Variants in PPFIA2 observed in about 807,000 individuals in gnomAD.
PPFIA2 encodes the protein liprin-alpha-2.
PPFIA2 carries 46 observed loss-of-function variants against 175.5 expected under a neutral mutation model. The ratio of observed to expected loss-of-function variants is 0.26; its 90% CI spans 0.21 to 0.34. The LOEUF is 0.34. Ranked by LOEUF, PPFIA2 falls within the 10% of genes least tolerant of loss-of-function variation. The pLI is 1.00. For missense variants in PPFIA2, 1,179 were observed against 1,506.1 expected, an observed-to-expected ratio of 0.78 and a Z score of 3.60; for synonymous variants, 568 against 511.4, an observed-to-expected ratio of 1.11 and a Z score of -1.49.
chr12:81,596,800 G>T (rs892142863), intron 4 of PPFIA2, among the ~76,000 whole-genome samples: 4 of 152,036 alleles, frequency 2.6e-5, no homozygotes, highest in Non-Finnish European at 2.9e-5. Flanking sequence ...ACAATAAGCA[G>T]ATCACCAGTA....
chr12:81,380,509 A>G (rs1450713392), intron 9 of PPFIA2, among the ~76,000 whole-genome samples: 1 of 151,436 alleles, frequency 6.6e-6, no homozygotes, highest in Non-Finnish European at 1.5e-5. Flanking sequence ...TTTTTTAAGT[A>G]CGTGATTTTC....
intron 3 of PPFIA2, among the ~76,000 whole-genome samples, chr12:81,738,241 G>A (rs775211976): frequency 3.3e-5 from 5 of 151,894 alleles, no homozygotes; most frequent in East Asian, 1.9e-4. Context: ...AACCACTAAC[G>A]TAAAATTCTA....
At chr12:81,469,884 G>A (rs2056427021) in intron 4 of PPFIA2, among the ~76,000 whole-genome samples, 1 of 152,138 alleles carries the variant, frequency 6.6e-6, no homozygotes. Flanking sequence ...TTTTAGAAGA[G>A]GAAGGGACAC....
At chr12:81,486,324 A>G (rs1173461678) in intron 4 of PPFIA2, among the ~76,000 whole-genome samples, 2 of 151,862 alleles carry the variant, frequency 1.3e-5, no homozygotes, top group Non-Finnish European at 2.9e-5. Context: ...GCTGGTAACA[A>G]AAGTTCAGTT....
chr12:81,697,005 T>C (rs188677213), intron 3 of PPFIA2, among the ~76,000 whole-genome samples: 1 of 152,130 alleles, frequency 6.6e-6, no homozygotes, highest in East Asian at 1.9e-4. Context: ...TAAACTCAGG[T>C]TTGTTATGAG....
At chr12:81,439,803 A>C (rs1354294948) in intron 7 of PPFIA2, 169 bp downstream of exon 7, 4 of 621,274 alleles carry the variant, frequency 6.4e-6, no homozygotes, top group Non-Finnish European at 1.1e-5. Flanking sequence ...TAAATAACCA[A>C]AAATCAGAAA....
chr12:81,509,569 G>A (rs944899805), intron 4 of PPFIA2, among the ~76,000 whole-genome samples: 2 of 150,496 alleles, frequency 1.3e-5, no homozygotes, highest in Non-Finnish European at 3.0e-5. Context: ...ATACTTCGAG[G>A]TCTTGCTTCT....
At chr12:81,397,820 G>A (rs775049550) in intron 8 of PPFIA2, among the ~76,000 whole-genome samples, 20 of 152,046 alleles carry the variant, frequency 1.3e-4, no homozygotes, top group South Asian at 2.1e-4. Flanking sequence ...TTGCATTACC[G>A]TCTGAGCTCT....
At chr12:81,677,484 T>C (rs950893754) in intron 3 of PPFIA2, among the ~76,000 whole-genome samples, 36 of 151,946 alleles carry the variant, frequency 2.4e-4, no homozygotes, top group African/African-American at 8.7e-4. Flanking sequence ...CCAAATCTTC[T>C]TTTTTCACCA....
chr12:81,504,017 G>A (rs559886514), intron 4 of PPFIA2, among the ~76,000 whole-genome samples: 2 of 151,952 alleles, frequency 1.3e-5, no homozygotes, highest in South Asian at 4.1e-4. Flanking sequence ...AAGTTAGACA[G>A]TGATATATTG....
At chr12:81,384,366 G>T in intron 8 of PPFIA2, 122 bp from the exon 9 acceptor site, 1 of 779,682 alleles carries the variant, frequency 1.3e-6, no homozygotes, top group Non-Finnish European at 1.9e-6. Context: ...ATTCTGAAAA[G>T]AACTAGTTTT....
At chr12:81,677,060 CAT>C (rs1413897926) in intron 3 of PPFIA2, among the ~76,000 whole-genome samples, 1 of 151,870 alleles carries the variant, frequency 6.6e-6, no homozygotes, top group African/African-American at 2.4e-5. Flanking sequence ...AAAAGAAAAA[CAT>C]GTAAACAGAT....
intron 7 of PPFIA2, among the ~76,000 whole-genome samples, chr12:81,428,889 G>A (rs2047609333): frequency 6.6e-6 from 1 of 151,982 alleles, no homozygotes; most frequent in African/African-American, 2.4e-5. Context: ...TTATCTTTAA[G>A]GAATATAAGT....
intron 6 of PPFIA2, among the ~76,000 whole-genome samples, chr12:81,442,728 C>T (rs920537881): frequency 6.0e-5 from 9 of 149,574 alleles, no homozygotes; most frequent in South Asian, 2.1e-4. Flanking sequence ...CTGCAACTCT[C>T]TACAGCTATG....
At chr12:81,566,530 C>CAAAAAAAAAAAAAAAAAAAA (rs3075452) in intron 4 of PPFIA2, among the ~76,000 whole-genome samples, 19 of 68,446 alleles carry the variant, frequency 2.8e-4, no homozygotes, top group East Asian at 1.7e-3. Context: ...GACTCCAACT[C>CAAAAAAAAAAAAAAAAAAAA]AAAAAAAAAA....
At chr12:81,324,644 G>T (rs924829762) in intron 22 of PPFIA2, among the ~76,000 whole-genome samples, 11 of 151,810 alleles carry the variant, frequency 7.2e-5, no homozygotes, top group African/African-American at 2.7e-4. Context: ...TAAACAAAAC[G>T]AAGACATTTG....
Position 81,437,245 on chromosome 12 carries a change from T to C in PPFIA2, c.645+2727A>G, listed in dbSNP as rs147578653. Among the ~76,000 whole-genome samples, 14 of 152,276 alleles carry C rather than the reference T, an allele frequency of 9.2e-5. No homozygotes were observed. In the East Asian group the frequency reaches 2.7e-3, roughly 29 times the overall value. On this transcript the variant is annotated intron_variant, in intron 7 of 32. Transcript: ENST00000549396. Reference sequence around the variant, plus strand: ...CTGGAGCAAATTTTCAGAGCCTCACTTTGAGACAGAGTCTGGCTGTGTTGC... The same window carrying C: ...CTGGAGCAAATTTTCAGAGCCTCACCTTGAGACAGAGTCTGGCTGTGTTGC...
At chr12:81,324,346 A>G (rs924009374) in intron 22 of PPFIA2, among the ~76,000 whole-genome samples, 4 of 152,084 alleles carry the variant, frequency 2.6e-5, no homozygotes, top group African/African-American at 7.2e-5. Context: ...TCCATCAACA[A>G]CTAATGAAGT....
At chr12:81,520,780 C>T (rs550840998) in intron 4 of PPFIA2, among the ~76,000 whole-genome samples, 4 of 152,258 alleles carry the variant, frequency 2.6e-5, no homozygotes, top group African/African-American at 4.8e-5. Flanking sequence ...GTAAGAAATG[C>T]ATGGTATATT....
Sources: gnomAD v4.1 joint callset for allele counts (sites outside exome capture counted in the v4.1 genomes callset) on GRCh38, gnomAD v4.1.1 for gene constraint, MANE v1.5 for transcripts, NCBI Gene and HGNC (gene_info 2026-07-23, HGNC 2026-07-21) for gene names.